ZMAT4: variants seen among roughly 807,000 people sequenced by gnomAD.
ZMAT4 encodes zinc finger matrin-type protein 4.
In ZMAT4, 17 loss-of-function variants were observed where a neutral mutation model predicts 28.7. The ratio of observed to expected loss-of-function variants is 0.59; its 90% CI spans 0.41 to 0.89. The LOEUF (loss-of-function observed/expected upper bound fraction) is 0.89. Ranked by LOEUF, ZMAT4 falls within the 40% of genes least tolerant of loss-of-function variation. The pLI is 0.00. For missense variants in ZMAT4, 240 were observed against 283.8 expected (o/e 0.85, Z 1.11); for synonymous variants, 117 against 109.2 (o/e 1.07, Z -0.44).
At chr8:40,844,657 C>CTGTGTGTGTGTGTG (rs71224857) in intron 1 of ZMAT4, among the ~76,000 whole-genome samples, 4 of 142,496 alleles carry the variant, frequency 2.8e-5, no homozygotes, top group African/African-American at 1.1e-4. Flanking sequence ...CTCTCTCATT[C>CTGTGTGTGTGTGTG]TGTGTGTGTG....
At chr8:40,601,609 AG>A (rs1563360599) in intron 5 of ZMAT4, among the ~76,000 whole-genome samples, 6 of 7,978 alleles carry the variant, frequency 7.5e-4, no homozygotes, top group Non-Finnish European at 1.9e-3. Context: ...AAAGAAAGAA[AG>A]AAAGAAAGAA....
At chr8:40,614,444 C>T (rs1019735825) in intron 5 of ZMAT4, among the ~76,000 whole-genome samples, 8 of 152,226 alleles carry the variant, frequency 5.3e-5, no homozygotes, top group Non-Finnish European at 1.2e-4. Context: ...ATTAGGTCTG[C>T]TTGGTGCAGA....
At chr8:40,705,971 T>G (rs1810331677) in intron 3 of ZMAT4, among the ~76,000 whole-genome samples, 1 of 152,214 alleles carries the variant, frequency 6.6e-6, no homozygotes, top group Non-Finnish European at 1.5e-5. Flanking sequence ...TTTCAAGTGT[T>G]CAATAGCACT....
chr8:40,611,401 C>A (rs1256706469), intron 5 of ZMAT4, among the ~76,000 whole-genome samples: 1 of 151,844 alleles, frequency 6.6e-6, no homozygotes, highest in Non-Finnish European at 1.5e-5. Context: ...CACCCAGTGG[C>A]GCGATCTCTG....
chr8:40,603,585 T>C (rs1805474634), intron 5 of ZMAT4, among the ~76,000 whole-genome samples: 1 of 152,154 alleles, frequency 6.6e-6, no homozygotes, highest in Admixed American at 6.5e-5. Flanking sequence ...CATTTGTTTG[T>C]GTTGTCTATA....
rs547771928 is a variant in ZMAT4 at position 40,599,877 on chromosome 8, T to C, written c.578-18616A>G. Among the ~76,000 whole-genome samples, 31 of 152,310 alleles carry C rather than the reference T, an allele frequency of 2.0e-4. No homozygotes were observed. In the South Asian group the frequency reaches 3.7e-3, roughly 18 times the overall value. On this transcript the variant is annotated intron_variant, in intron 5 of 6. Transcript: ENST00000297737. Reference sequence around the variant, plus strand: ...CAGCACCGGTCCCTTCTGTTATCTTTCCTTACCACGCACAGTGCCTGAGTC... The same window carrying C: ...CAGCACCGGTCCCTTCTGTTATCTTCCCTTACCACGCACAGTGCCTGAGTC...
intron 5 of ZMAT4, among the ~76,000 whole-genome samples, chr8:40,612,612 C>T (rs1212066276): frequency 7.3e-6 from 1 of 136,684 alleles, no homozygotes; most frequent in Non-Finnish European, 1.7e-5. Context: ...CCCGGTTTTC[C>T]TGCTAAGTTC....
chr8:40,737,601 G>A (rs1811825528), intron 3 of ZMAT4, among the ~76,000 whole-genome samples: 1 of 152,214 alleles, frequency 6.6e-6, no homozygotes, highest in Admixed American at 6.5e-5. Flanking sequence ...CAAGTCATCA[G>A]TAACCTTGGC....
intron 1 of ZMAT4, among the ~76,000 whole-genome samples, chr8:40,842,181 A>G (rs1197285741): frequency 3.9e-5 from 6 of 152,226 alleles, no homozygotes; most frequent in Non-Finnish European, 1.5e-5. Context: ...TGGTCCCCCA[A>G]GGGACTAAGC....
intron 6 of ZMAT4, among the ~76,000 whole-genome samples, chr8:40,570,410 C>G (rs62505434): frequency 0.17 from 25,115 of 152,158 alleles, 2,670 homozygotes; most frequent in Non-Finnish European, 0.24. Flanking sequence ...TTAAAAGTAA[C>G]TTGTGGGGCC....
chr8:40,712,515 GT>G (rs1810669069), intron 3 of ZMAT4, among the ~76,000 whole-genome samples: 1 of 152,190 alleles, frequency 6.6e-6, no homozygotes. Flanking sequence ...AACACACATT[GT>G]TTCGCCATCT....
At chr8:40,589,028 G>A (rs970511622) in intron 5 of ZMAT4, among the ~76,000 whole-genome samples, 2 of 152,148 alleles carry the variant, frequency 1.3e-5, no homozygotes, top group African/African-American at 4.8e-5. Flanking sequence ...CTTTGTTTTT[G>A]TGTAATTTCT....
At chr8:40,820,839 ATGTG>A (rs1276948898) in intron 2 of ZMAT4, among the ~76,000 whole-genome samples, 1 of 5,024 alleles carries the variant, frequency 2.0e-4, no homozygotes, top group Non-Finnish European at 3.5e-4. Flanking sequence ...TTATGTGTGT[ATGTG>A]TGTATGTTTA....
rs199826030 is a variant in ZMAT4, at chr8:40,806,056, GA to G, written c.102+19518del. ...AAAAATATATCTTAATTGTTATCACGAAAAAGGGGAACATTTCATCTTTATA... is the reference window on the plus strand; with the variant it reads ...AAAAATATATCTTAATTGTTATCACGAAAAGGGGAACATTTCATCTTTATA... On this transcript the variant is annotated intron_variant, in intron 2 of 6. Coordinates refer to ENST00000297737, the MANE Select transcript of ZMAT4 (RefSeq NM_024645.3). Among the ~76,000 whole-genome samples, 17 of 152,070 alleles carry G rather than the reference GA, an allele frequency of 1.1e-4. No individual in the cohort carries two copies. The East Asian group carries it at 2.9e-3, about 26-fold the overall frequency.
At chr8:40,782,397 A>G (rs891632508) in intron 2 of ZMAT4, among the ~76,000 whole-genome samples, 5 of 145,974 alleles carry the variant, frequency 3.4e-5, no homozygotes, top group African/African-American at 9.8e-5. Flanking sequence ...AAACAAGCAA[A>G]CAAACAAACA....
chr8:40,767,562 A>G (rs1262154401), intron 3 of ZMAT4, 79 bp downstream of exon 3: 7 of 1,196,976 alleles, frequency 5.8e-6, no homozygotes, highest in East Asian at 2.4e-5. Flanking sequence ...TCTGGACTAG[A>G]CTACAATTCC....
At chr8:40,670,112 G>T (rs997941958) in intron 5 of ZMAT4, among the ~76,000 whole-genome samples, 4 of 152,116 alleles carry the variant, frequency 2.6e-5, no homozygotes, top group Admixed American at 6.6e-5. Context: ...GAAAGAAGAA[G>T]AAAGTTGGAG....
chr8:40,612,447 C>T (rs1805835395), intron 5 of ZMAT4, among the ~76,000 whole-genome samples: 2 of 138,024 alleles, frequency 1.4e-5, no homozygotes, highest in African/African-American at 5.0e-5. Context: ...CCTGGCTTCC[C>T]ATGCACACAC....
intron 1 of ZMAT4, 47 bp from the exon 2 acceptor site, chr8:40,825,727 G>T: frequency 1.4e-6 from 2 of 1,430,118 alleles, no homozygotes; most frequent in Non-Finnish European, 9.6e-7. Flanking sequence ...CTGCTTTGAT[G>T]TTTATGCAAG....
Sources: allele counts gnomAD v4.1 joint callset (sites outside exome capture counted in the v4.1 genomes callset), GRCh38; gene constraint gnomAD v4.1.1; transcripts MANE v1.5; gene names NCBI Gene and HGNC (gene_info 2026-07-23, HGNC 2026-07-21).